KMT2C: variants seen among roughly 807,000 people sequenced by gnomAD.
KMT2C encodes lysine methyltransferase 2C.
In KMT2C, 88 loss-of-function variants were observed where a neutral mutation model predicts 507.9. That is an observed-to-expected ratio of 0.17 (90% confidence interval 0.15 to 0.21). The LOEUF is 0.21. KMT2C is among the 10% of genes least tolerant of loss of function. KMT2C has a pLI of 1.00. For synonymous variants in KMT2C, 2,049 were observed against 2,080.8 expected, an observed-to-expected ratio of 0.98 and a Z score of 0.42; for missense variants, 4,954 against 5,957.8, an observed-to-expected ratio of 0.83 and a Z score of 5.55.
rs1463449230 is a variant in KMT2C at position 152,250,879 on chromosome 7, T to C, written c.1709A>G (p.Glu570Gly). 11 of 1,602,940 alleles carry C rather than the reference T, an allele frequency of 6.9e-6. No individual in the cohort carries two copies. The highest frequency in any genetic ancestry group is 8.5e-6 in the Non-Finnish European group (10 of 1,170,000). The change falls in exon 12 of 59, where the codon GAG becomes GGG. Residue 570 changes from glutamate (E) to glycine (G), a missense_variant. Coordinates refer to ENST00000262189, the MANE Select transcript of KMT2C (RefSeq NM_170606.3). ...QAANKDVNGQ[E>G]STPGIVPDAV... ...ATCTGGAACAATTCCAGGAGTGGAC[T>C]CCTGACCGTTGACATCTTTATTAGC...
chr7:152,176,035 T>G (rs566360033), intron 38 of KMT2C, among the ~76,000 whole-genome samples, 156 bp downstream of exon 38: 3 of 152,138 alleles, frequency 2.0e-5, no homozygotes, highest in Non-Finnish European at 4.4e-5. Flanking sequence ...ACAGTGAGAC[T>G]CCGTCTCAAA....
In KMT2C at chr7:152,181,979, C is replaced by T. The variant is rs776954298; in HGVS notation, c.5881G>A (p.Asp1961Asn). Residue 1961 changes from aspartate to asparagine, a missense_variant, in exon 36 of 59, where the codon GAC becomes AAC. Physicochemically the swap from Asp to Asn is conservative, Grantham distance 23. Around this residue, in one of 29 missense-constraint regions of KMT2C, gnomAD observed 1,689 missense variants for 1,654.3 expected, o/e 1.02. Coordinates refer to ENST00000262189, the MANE Select transcript of KMT2C (RefSeq NM_170606.3). ...DLCSSSTTNN[D>N]PYAKPPDTPR... ...GTGTCTGGAGGTTTTGCATAGGGGT[C>T]ATTATTTGTCGTGGAAGAAGAACAT... is the stretch of plus-strand genomic sequence containing the variant. 7.4e-6 allele frequency: 12 copies of T among 1,614,062 alleles called. No homozygotes were observed. Among genetic ancestry groups the T allele is most frequent in the Non-Finnish European group, 1.0e-5 (12 of 1,180,016 alleles).
intron 46 of KMT2C, 150 bp downstream of exon 46, chr7:152,155,760 T>C: frequency 3.9e-6 from 3 of 774,530 alleles, no homozygotes; most frequent in East Asian, 3.0e-5. Flanking sequence ...CAATGTCTTA[T>C]AAACTTTAAA....
intron 43 of KMT2C, among the ~76,000 whole-genome samples, chr7:152,159,684 A>T (rs1364827373): frequency 1.3e-5 from 2 of 152,228 alleles, no homozygotes; most frequent in Non-Finnish European, 2.9e-5. Context: ...CGTAGATGAT[A>T]ACAAATAAAC....
chr7:152,196,536 T>C (rs2093967757), intron 27 of KMT2C, among the ~76,000 whole-genome samples: 1 of 152,202 alleles, frequency 6.6e-6, no homozygotes, highest in Non-Finnish European at 1.5e-5. Context: ...AAAAAGTATT[T>C]CACTACCCAC....
At chr7:152,362,701 T>C (rs2097206570) in intron 1 of KMT2C, among the ~76,000 whole-genome samples, 1 of 152,224 alleles carries the variant, frequency 6.6e-6, no homozygotes, top group South Asian at 2.1e-4. Flanking sequence ...TGACCATCAC[T>C]GTCTATGCTG....
At chr7:152,270,622 T>C (rs1268640676) in intron 7 of KMT2C, among the ~76,000 whole-genome samples, 1 of 152,166 alleles carries the variant, frequency 6.6e-6, no homozygotes, top group Non-Finnish European at 1.5e-5. Context: ...GTCTGTGTAG[T>C]GGTCTGTTCC....
intron 6 of KMT2C, among the ~76,000 whole-genome samples, chr7:152,298,867 G>A (rs973891668): frequency 6.6e-6 from 1 of 152,118 alleles, no homozygotes; most frequent in African/African-American, 2.4e-5. Context: ...CACGAGGGAG[G>A]AAAAGAAAGC....
At chr7:152,248,843 G>A (rs566739361) in intron 13 of KMT2C, among the ~76,000 whole-genome samples, 11 of 152,160 alleles carry the variant, frequency 7.2e-5, no homozygotes, top group Middle Eastern at 3.4e-3. Context: ...TACAACTTAA[G>A]GATTTCCAAA....
intron 37 of KMT2C, among the ~76,000 whole-genome samples, chr7:152,179,022 G>A (rs1276835383): frequency 6.6e-6 from 1 of 152,060 alleles, no homozygotes; most frequent in Non-Finnish European, 1.5e-5. Flanking sequence ...ACAGAGTCTC[G>A]TTCTGTCTCC....
chr7:152,297,240 ATGGCATAGAGAG>A (rs1342713386), intron 6 of KMT2C, among the ~76,000 whole-genome samples: 2 of 152,170 alleles, frequency 1.3e-5, no homozygotes, highest in African/African-American at 4.8e-5. Context: ...TTTCCAGGCC[ATGGCATAGAGAG>A]TGGCAACTGA....
intron 4 of KMT2C, among the ~76,000 whole-genome samples, chr7:152,314,209 G>A (rs2096701525): frequency 6.6e-6 from 1 of 152,032 alleles, no homozygotes; most frequent in African/African-American, 2.4e-5. Context: ...TCAAGGCATT[G>A]GCAGCAGTTC....
At chr7:152,429,591 G>C (rs954671783) in intron 1 of KMT2C, among the ~76,000 whole-genome samples, 3 of 151,528 alleles carry the variant, frequency 2.0e-5, no homozygotes, top group African/African-American at 7.3e-5. Context: ...CATGATCTCA[G>C]CTCACTGCAA....
intron 3 of KMT2C, among the ~76,000 whole-genome samples, chr7:152,325,967 CTT>C (rs1318169442): frequency 4.0e-5 from 6 of 150,128 alleles, no homozygotes; most frequent in Non-Finnish European, 8.9e-5. Flanking sequence ...TTGAAAGAGA[CTT>C]CCTTCCTCAC....
At chr7:152,202,783 C>A (rs2094187762) in intron 26 of KMT2C, 151 bp downstream of exon 26, 2 of 633,666 alleles carry the variant, frequency 3.2e-6, no homozygotes, top group Non-Finnish European at 5.2e-6. Context: ...TTTTATGGAC[C>A]CCTGAAAGGT....
intron 6 of KMT2C, among the ~76,000 whole-genome samples, chr7:152,303,635 A>C (rs1473603945): frequency 2.0e-5 from 3 of 152,092 alleles, no homozygotes; most frequent in African/African-American, 7.3e-5. Context: ...CACATACACA[A>C]ATGCAGACAG....
rs2091563215 is a variant in KMT2C at position 152,150,920 on chromosome 7, C to T, written c.12754G>A (p.Ala4252Thr). The T allele has an allele frequency of 6.8e-6, 11 of 1,611,106 alleles. No individual in the cohort carries two copies. Among genetic ancestry groups the T allele is most frequent in the Non-Finnish European group, 8.5e-6 (10 of 1,177,652 alleles). Residue 4252 changes from alanine to threonine, a missense_variant, in exon 51 of 59, where the codon GCG becomes ACG. Transcript: ENST00000262189. ...CTCACCTTGTTTTCTGAGTTTTTCG[C>T]TTGTGCAGTTGATGAATAAAGAATA... The part of the protein sequence containing the change: ...CFILYSSTAQ[A>T]KNSENKESIP...
chr7:152,415,278 T>G (rs1463141629), intron 1 of KMT2C, among the ~76,000 whole-genome samples: 2 of 152,228 alleles, frequency 1.3e-5, no homozygotes, highest in Non-Finnish European at 2.9e-5. Flanking sequence ...TGAACAAAAA[T>G]AGACATTAAA....
At chr7:152,171,194 T>C (rs1220262069) in intron 40 of KMT2C, 70 bp downstream of exon 40, 30 of 1,037,516 alleles carry the variant, frequency 2.9e-5, no homozygotes, top group Middle Eastern at 2.1e-4. Context: ...GGGGACTTAC[T>C]CTAAAGCATG....
Sources: gnomAD v4.1 joint callset for allele counts (sites outside exome capture counted in the v4.1 genomes callset) on GRCh38, gnomAD v4.1.1 for gene constraint, gnomAD v4.1.1 regional missense constraint, MANE v1.5 for transcripts, NCBI Gene and HGNC (gene_info 2026-07-23, HGNC 2026-07-21) for gene names.